HPSE2: variants seen among roughly 807,000 people sequenced by gnomAD.
HPSE2 encodes the protein inactive heparanase-2.
A neutral mutation model predicts 60.5 loss-of-function variants in HPSE2; 38 were observed. The observed-to-expected ratio is 0.63, with a 90% CI of 0.48 to 0.82. The LOEUF is 0.82. HPSE2 is among the 40% of genes least tolerant of loss of function. The pLI is 0.00. For missense variants in HPSE2, 713 were observed against 740.4 expected (o/e 0.96, Z 0.43); for synonymous variants, 295 against 293.2 (o/e 1.01, Z -0.06).
chr10:98,494,687 G>C (rs1459012362), intron 9 of HPSE2, among the ~76,000 whole-genome samples: 1 of 152,106 alleles, frequency 6.6e-6, no homozygotes, highest in Non-Finnish European at 1.5e-5. Flanking sequence ...TACATCAATG[G>C]TTGATGTCAC....
rs190773966 is a variant in HPSE2 at position 99,187,363 on chromosome 10, G to A, written c.449-42964C>T. On this transcript the variant is annotated intron_variant, in intron 2 of 11. Transcript: ENST00000370552. ...TTAAAATGTATTTTATAAACTCTAG[G>A]ACATAAAAAGCACAAATTACTTTTT... Among the ~76,000 whole-genome samples the A allele has an allele frequency of 2.1e-3, 323 of 152,050 alleles. 1 individual carries two copies. The highest frequency in any genetic ancestry group is 7.3e-3 in the African/African-American group (304 of 41,494).
intron 6 of HPSE2, among the ~76,000 whole-genome samples, chr10:98,643,346 T>C (rs1946685128): frequency 6.6e-6 from 1 of 152,202 alleles, no homozygotes; most frequent in African/African-American, 2.4e-5. Flanking sequence ...ACTGAACAAC[T>C]TTTAGTTCTT....
In HPSE2 at chr10:98,963,476, A is replaced by G. The variant is rs187776693; in HGVS notation, c.610+180762T>C. Among the ~76,000 whole-genome samples, 382 of 152,264 alleles carry G rather than the reference A, an allele frequency of 2.5e-3. 1 individual carries two copies. The highest frequency in any genetic ancestry group is 0.02 in the Middle Eastern group (6 of 294). ...CTTTCTTTTACAAGGACTGAGTCTC[A>G]ACATGCTTGTTTTCAAAATTGAGAA... On this transcript the variant is annotated intron_variant, in intron 3 of 11. Transcript: ENST00000370552.
chr10:98,891,415 T>C (rs1162746149), intron 3 of HPSE2, among the ~76,000 whole-genome samples: 1 of 152,174 alleles, frequency 6.6e-6, no homozygotes, highest in Admixed American at 6.6e-5. Flanking sequence ...ACATTACCAC[T>C]TGTTAAATCT....
At chr10:99,172,875 CAA>C (rs750960291) in intron 2 of HPSE2, among the ~76,000 whole-genome samples, 1 of 146,370 alleles carries the variant, frequency 6.8e-6, no homozygotes, top group Admixed American at 7.1e-5. Flanking sequence ...AACTCTGTCT[CAA>C]AAAAAGAAGA....
At chr10:98,691,586 T>C (rs1176364282) in intron 6 of HPSE2, among the ~76,000 whole-genome samples, 1 of 152,218 alleles carries the variant, frequency 6.6e-6, no homozygotes, top group African/African-American at 2.4e-5. Context: ...ACAAATCCTA[T>C]AAATTCTTAA....
intron 3 of HPSE2, among the ~76,000 whole-genome samples, chr10:99,053,849 C>T (rs1281869814): frequency 6.7e-6 from 1 of 150,148 alleles, no homozygotes; most frequent in African/African-American, 2.5e-5. Flanking sequence ...TTGCCTCAGC[C>T]TCCCGAATGC....
chr10:99,267,777 C>CA, the HPSE2 span, among the ~76,000 whole-genome samples: 69,788 of 129,930 alleles, frequency 0.54, 19,820 homozygotes, highest in Non-Finnish European at 0.66. Flanking sequence ...GAGACTCCAT[C>CA]AAAAAAAAAA....
In HPSE2 at chr10:98,722,071, T is replaced by A. The variant is rs138681736; in HGVS notation, c.785-243A>T. Reference sequence around the variant, plus strand: ...ATAACCTAATCAACACCGGAGACCATACAGATTTTCAGGTGCTACTTCATA... The same window carrying A: ...ATAACCTAATCAACACCGGAGACCAAACAGATTTTCAGGTGCTACTTCATA... On this transcript the variant is annotated intron_variant, in intron 4 of 11. Transcript: ENST00000370552. Among the ~76,000 whole-genome samples the A allele has an allele frequency of 8.3e-3, 1,260 of 151,596 alleles. 6 individuals carry two copies. The highest frequency in any genetic ancestry group is 0.014 in the Non-Finnish European group (941 of 67,942).
intron 4 of HPSE2, among the ~76,000 whole-genome samples, chr10:98,741,219 T>G (rs1949488373): frequency 6.6e-6 from 1 of 152,118 alleles, no homozygotes; most frequent in Non-Finnish European, 1.5e-5. Flanking sequence ...TATTGGCTAT[T>G]TTTCACTTTA....
intron 3 of HPSE2, among the ~76,000 whole-genome samples, chr10:99,030,261 C>T (rs1957471003): frequency 6.6e-6 from 1 of 152,206 alleles, no homozygotes; most frequent in Non-Finnish European, 1.5e-5. Flanking sequence ...ACTGGAACAG[C>T]TCATGTCCTT....
intron 3 of HPSE2, among the ~76,000 whole-genome samples, chr10:98,777,398 C>T (rs1342557070): frequency 1.3e-5 from 2 of 152,152 alleles, no homozygotes; most frequent in Non-Finnish European, 2.9e-5. Flanking sequence ...CATGCAAACT[C>T]TCATTGAATC....
chr10:99,149,825 C>T (rs1846191804), intron 2 of HPSE2, among the ~76,000 whole-genome samples: 1 of 151,240 alleles, frequency 6.6e-6, no homozygotes, highest in African/African-American at 2.4e-5. Context: ...ACCAAATAAT[C>T]ATAAAACTCT....
chr10:99,069,900 C>T (rs1842732716), intron 3 of HPSE2, among the ~76,000 whole-genome samples: 1 of 151,720 alleles, frequency 6.6e-6, no homozygotes, highest in Non-Finnish European at 1.5e-5. Context: ...ATAATTTGTC[C>T]ATAACAAGGA....
At chr10:98,764,016 A>G (rs529124740) in intron 3 of HPSE2, among the ~76,000 whole-genome samples, 1 of 152,300 alleles carries the variant, frequency 6.6e-6, no homozygotes, top group East Asian at 1.9e-4. Context: ...GAACTTCAAC[A>G]TACATAGATG....
chr10:98,947,690 G>A (rs1472128540), intron 3 of HPSE2, among the ~76,000 whole-genome samples: 4 of 151,836 alleles, frequency 2.6e-5, no homozygotes, highest in African/African-American at 9.7e-5. Flanking sequence ...ATTGTTTGGT[G>A]TAAATACAGT....
chr10:98,491,239 A>G (rs565976379), intron 9 of HPSE2, among the ~76,000 whole-genome samples: 1 of 151,950 alleles, frequency 6.6e-6, no homozygotes, highest in South Asian at 2.1e-4. Context: ...GTCATTTATA[A>G]TATCAGCTGC....
chr10:99,307,601 G>A, the HPSE2 span, among the ~76,000 whole-genome samples: 2 of 152,098 alleles, frequency 1.3e-5, no homozygotes, highest in Non-Finnish European at 2.9e-5. Flanking sequence ...TCCAAAAAAA[G>A]AAGATTCTGA....
intron 6 of HPSE2, among the ~76,000 whole-genome samples, chr10:98,670,500 A>G (rs1469326815): frequency 1.3e-5 from 2 of 152,210 alleles, no homozygotes; most frequent in Non-Finnish European, 2.9e-5. Context: ...CTGAAAATTC[A>G]AGATCTGAAA....
Sources: gnomAD v4.1 joint callset for allele counts (sites outside exome capture counted in the v4.1 genomes callset) on GRCh38, gnomAD v4.1.1 for gene constraint, MANE v1.5 for transcripts, NCBI Gene and HGNC (gene_info 2026-07-23, HGNC 2026-07-21) for gene names.